Variants in COL6A6 observed in about 807,000 individuals in gnomAD.
COL6A6 encodes the protein collagen type VI alpha 6 chain.
A neutral mutation model predicts 208.6 loss-of-function variants in COL6A6; 183 were observed. The ratio of observed to expected loss-of-function variants is 0.88; its 90% CI spans 0.78 to 0.99. The LOEUF (loss-of-function observed/expected upper bound fraction) is 0.99, where lower values mean the gene tolerates loss of function less well. COL6A6 is among the 50% of genes least tolerant of loss of function. The pLI is 0.00. For synonymous variants in COL6A6, 973 were observed against 1,011.8 expected (o/e 0.96, Z 0.73); for missense variants, 2,816 against 2,815.2 (o/e 1.00, Z -0.01).
chr3:130,675,138 A>T, intron 36 of COL6A6, 64 bp from the exon 37 acceptor site: 1 of 1,027,066 alleles, frequency 9.7e-7, no homozygotes. Context: ...ATGACAGATT[A>T]ATATGTAGTC....
chr3:130,517,565 TCTC>T lies in COL6A6; in HGVS notation c.-32+176_-32+178del, dbSNP rs763477013. ...GCTCAAAAACTCCTCCTTTGGCTTTTCTCCTCCTCCAAACAAGAGTAACTGCCC... is the reference window on the plus strand; with the variant it reads ...GCTCAAAAACTCCTCCTTTGGCTTTTCTCCTCCAAACAAGAGTAACTGCCC... On this transcript the variant is annotated intron_variant, in intron 1 of 36. Coordinates refer to ENST00000358511, the MANE Select transcript of COL6A6 (RefSeq NM_001102608.3). Among the ~76,000 whole-genome samples the T allele has an allele frequency of 3.3e-5, 5 of 152,352 alleles. No individual in the cohort carries two copies. The East Asian group carries it at 7.7e-4, about 24-fold the overall frequency.
At chr3:130,598,086 A>T (rs1293528875) in intron 18 of COL6A6, among the ~76,000 whole-genome samples, 1 of 152,206 alleles carries the variant, frequency 6.6e-6, no homozygotes, top group Non-Finnish European at 1.5e-5. Flanking sequence ...GTTGCCATGC[A>T]CATAATTCAC....
intron 33 of COL6A6, among the ~76,000 whole-genome samples, chr3:130,657,191 C>T (rs1249849655): frequency 1.3e-5 from 2 of 152,246 alleles, no homozygotes; most frequent in Non-Finnish European, 2.9e-5. Context: ...GGGGCTTCCA[C>T]CTGTTCCCAG....
At chr3:130,561,749 T>G (rs1445611118) in intron 2 of COL6A6, among the ~76,000 whole-genome samples, 6 of 146,626 alleles carry the variant, frequency 4.1e-5, no homozygotes, top group Non-Finnish European at 7.4e-5. Flanking sequence ...GCTTCCCGGG[T>G]TCACGCCATT....
intron 23 of COL6A6, among the ~76,000 whole-genome samples, chr3:130,619,388 C>T (rs775942845): frequency 2.6e-5 from 4 of 152,014 alleles, no homozygotes; most frequent in Admixed American, 6.6e-5. Context: ...AGTGTGGAGA[C>T]GTAAGACAAA....
rs2062359972 is a variant in COL6A6 at position 130,541,369 on chromosome 3, G to A, written c.-31-18965G>A. Among the ~76,000 whole-genome samples, 4 of 152,324 alleles carry A rather than the reference G, an allele frequency of 2.6e-5. No homozygotes were observed. The South Asian group carries it at 8.3e-4, about 32-fold the overall frequency. On this transcript the variant is annotated intron_variant, in intron 1 of 36. Coordinates refer to ENST00000358511, the MANE Select transcript of COL6A6 (RefSeq NM_001102608.3). ...ACTATTCCAATGTCTGGATGGACCA[G>A]TGATTCTTTATCCACTTACCTGCTG...
rs368133184 is a variant in COL6A6 at position 130,550,152 on chromosome 3, A to AT, written c.-31-10174dup. ...GAATGCTACTGATTCTTGTACATTG[A>AT]TTTTTTTTATCCTGAAACTTTGCTG... is the stretch of plus-strand genomic sequence containing the variant. On this transcript the variant is annotated intron_variant, in intron 1 of 36. Transcript: ENST00000358511. 8.7e-3 allele frequency among the ~76,000 whole-genome samples: 1,319 copies of AT among 151,826 alleles called. 21 individuals carry two copies. The highest frequency in any genetic ancestry group is 0.031 in the African/African-American group (1,271 of 41,370).
At chr3:130,667,024 A>G (rs2066092011) in intron 36 of COL6A6, among the ~76,000 whole-genome samples, 1 of 152,230 alleles carries the variant, frequency 6.6e-6, no homozygotes, top group Admixed American at 6.5e-5. Flanking sequence ...AAACTATTGA[A>G]TAACTTTAGT....
chr3:130,518,382 T>C (rs553923463), intron 1 of COL6A6, among the ~76,000 whole-genome samples: 2 of 152,396 alleles, frequency 1.3e-5, no homozygotes, highest in Middle Eastern at 3.4e-3. Flanking sequence ...ATGTTCAATG[T>C]TAAATTTATT....
chr3:130,553,057 T>C (rs2062683791), intron 1 of COL6A6, among the ~76,000 whole-genome samples: 1 of 152,226 alleles, frequency 6.6e-6, no homozygotes, highest in Non-Finnish European at 1.5e-5. Context: ...CTGCCCCTTT[T>C]CACTAGCTGC....
intron 1 of COL6A6, among the ~76,000 whole-genome samples, chr3:130,520,505 A>G (rs542448199): frequency 2.2e-4 from 34 of 152,338 alleles, no homozygotes; most frequent in Admixed American, 1.4e-3. Flanking sequence ...AGATACCATT[A>G]GCTAATATAA....
chr3:130,591,206 T>C lies in COL6A6; in HGVS notation c.4272+112T>C. ...AAAGGTGAGATTCTAAGGATTCGTGTACAGAATCTCAGATCTTCTTTTGTC... is the reference window on the plus strand; with the variant it reads ...AAAGGTGAGATTCTAAGGATTCGTGCACAGAATCTCAGATCTTCTTTTGTC... On this transcript the variant is annotated intron_variant, in intron 13 of 36. Transcript: ENST00000358511. The C allele has an allele frequency of 3.7e-6, 3 of 813,746 alleles. No individual in the cohort carries two copies. In the South Asian group the frequency reaches 4.6e-5, roughly 13 times the overall value. The allele number at this position is 813,746 out of a possible 1,614,324, so 50.4% of individuals were successfully genotyped here.
intron 26 of COL6A6, among the ~76,000 whole-genome samples, chr3:130,634,052 T>TAAAA (rs34137705): frequency 5.6e-3 from 153 of 27,394 alleles, no homozygotes; most frequent in Middle Eastern, 0.022. Flanking sequence ...TAGAGTATAA[T>TAAAA]AAAAAAAAAA....
chr3:130,594,996 A>G (rs1475570208), intron 18 of COL6A6, among the ~76,000 whole-genome samples: 2 of 152,200 alleles, frequency 1.3e-5, no homozygotes, highest in Non-Finnish European at 2.9e-5. Flanking sequence ...TGGGATTATT[A>G]CAATTCAAGA....
At chr3:130,653,559 C>G (rs2065704713) in intron 33 of COL6A6, among the ~76,000 whole-genome samples, 1 of 152,092 alleles carries the variant, frequency 6.6e-6, no homozygotes, top group African/African-American at 2.4e-5. Flanking sequence ...GCTAAATGCC[C>G]CAAACCTCCC....
At chr3:130,672,265 G>A (rs549053848) in intron 36 of COL6A6, among the ~76,000 whole-genome samples, 1 of 152,292 alleles carries the variant, frequency 6.6e-6, no homozygotes, top group Admixed American at 6.5e-5. Context: ...TACTGGAGCT[G>A]AGCACAAGTT....
intron 17 of COL6A6, 133 bp from the exon 18 acceptor site, chr3:130,594,148 A>G (rs2063787897): frequency 1.4e-6 from 1 of 729,960 alleles, no homozygotes; most frequent in Non-Finnish European, 2.3e-6. Flanking sequence ...TCGGTTGTTC[A>G]TCTTTCCAGC....
intron 27 of COL6A6, among the ~76,000 whole-genome samples, chr3:130,635,468 C>T (rs773358780): frequency 6.6e-6 from 1 of 152,050 alleles, no homozygotes; most frequent in Non-Finnish European, 1.5e-5. Context: ...TTCATTTCTC[C>T]AAAGAGCCAG....
intron 1 of COL6A6, among the ~76,000 whole-genome samples, chr3:130,553,355 C>G (rs1308093401): frequency 1.3e-5 from 2 of 152,062 alleles, no homozygotes; most frequent in African/African-American, 4.8e-5. Flanking sequence ...AATTCTTCTT[C>G]TTTGTTTTTT....
Sources: allele counts gnomAD v4.1 joint callset (sites outside exome capture counted in the v4.1 genomes callset), GRCh38; gene constraint gnomAD v4.1.1; transcripts MANE v1.5; gene names NCBI Gene and HGNC (gene_info 2026-07-23, HGNC 2026-07-21).